PIN4: variants seen among roughly 807,000 people sequenced by gnomAD.
PIN4 encodes peptidylprolyl cis/trans isomerase, NIMA-interacting 4, also known as peptidyl-prolyl cis-trans isomerase NIMA-interacting 4.
In PIN4, 3 loss-of-function variants were observed where a neutral mutation model predicts 8.3. The observed-to-expected ratio is 0.36, with a 90% CI of 0.16 to 0.93. The LOEUF (loss-of-function observed/expected upper bound fraction) is 0.93. PIN4 is among the 40% of genes least tolerant of loss of function. The pLI is 0.44. For synonymous variants in PIN4, 18 were observed against 32.5 expected, an observed-to-expected ratio of 0.55 and a Z score of 1.52; for missense variants, 75 against 100.6, an observed-to-expected ratio of 0.75 and a Z score of 1.09.
chrX:72,232,177 A>C (rs932823906), intron 3 of PIN4, among the ~76,000 whole-genome samples: 13 of 109,210 alleles, frequency 1.2e-4, no homozygotes, highest in Non-Finnish European at 1.7e-4. Context: ...AAATAATGCC[A>C]AAGTAAAAGG....
At chrX:72,197,202 T>G (rs1175964180) in intron 3 of PIN4, 166 bp from the exon 4 acceptor site, 1 of 473,707 alleles carries the variant, frequency 2.1e-6, no homozygotes, top group African/African-American at 2.4e-5. Context: ...GTGTTCAGTC[T>G]AGTTAGACTT....
At position 72,210,901 on chromosome X, in the gene PIN4, C is replaced by T. The variant is rs758408748; in HGVS notation, c.312+13997C>T. ...CCTAGTTAGCAGGTCTGTCTAACAACTGCATCTCAGCTCTTCCTTTCCCCT... is the reference window on the plus strand; with the variant it reads ...CCTAGTTAGCAGGTCTGTCTAACAATTGCATCTCAGCTCTTCCTTTCCCCT... On this transcript the variant is annotated intron_variant, in intron 3 of 3. Transcript: ENST00000423432. Among the ~76,000 whole-genome samples, 8 of 112,094 alleles carry T rather than the reference C, an allele frequency of 7.1e-5. No homozygotes were observed. In the South Asian group the frequency reaches 2.9e-3, roughly 41 times the overall value.
intron 3 of PIN4, among the ~76,000 whole-genome samples, chrX:72,252,075 T>C (rs1025039853): frequency 3.6e-5 from 4 of 111,793 alleles, no homozygotes; most frequent in African/African-American, 1.3e-4. Flanking sequence ...ACATTCACCT[T>C]CTTGTTGTAC....
At chrX:72,253,512 G>A (rs757135341) in intron 3 of PIN4, among the ~76,000 whole-genome samples, 1 of 111,382 alleles carries the variant, frequency 9.0e-6, no homozygotes, top group Non-Finnish European at 1.9e-5. Context: ...TGTAGTCCCA[G>A]CTACTGGGAG....
At chrX:72,217,579 A>G (rs1413045379) in intron 3 of PIN4, among the ~76,000 whole-genome samples, 1 of 111,891 alleles carries the variant, frequency 8.9e-6, no homozygotes, top group Non-Finnish European at 1.9e-5. Flanking sequence ...TGTTTTATAC[A>G]TTTTATTTAT....
chrX:72,185,147 CAA>C (rs746215043), intron 1 of PIN4, among the ~76,000 whole-genome samples: 5 of 24,457 alleles, frequency 2.0e-4, no homozygotes, highest in African/African-American at 6.2e-4. Context: ...GACTCCGTCT[CAA>C]AAAAAAAAAA....
chrX:72,256,688 G>A (rs1317232698), intron 3 of PIN4, among the ~76,000 whole-genome samples: 1 of 111,923 alleles, frequency 8.9e-6, no homozygotes, highest in African/African-American at 3.2e-5. Context: ...CAAAACAGGA[G>A]AGCAGGAATA....
At chrX:72,210,915 T>C (rs1266035714) in intron 3 of PIN4, among the ~76,000 whole-genome samples, 2 of 112,025 alleles carry the variant, frequency 1.8e-5, no homozygotes, top group East Asian at 5.6e-4. Flanking sequence ...ATCTCAGCTC[T>C]TCCTTTCCCC....
At chrX:72,208,560 C>A in intron 3 of PIN4, 1 of 1,212,012 alleles carries the variant, frequency 8.3e-7, no homozygotes, top group South Asian at 1.8e-5. Context: ...GTTCTGCCAA[C>A]TCCTCCAAGG....
intron 3 of PIN4, among the ~76,000 whole-genome samples, chrX:72,239,459 C>T (rs2043038767): frequency 2.7e-5 from 3 of 111,994 alleles, no homozygotes; most frequent in African/African-American, 9.7e-5. Flanking sequence ...GAGGCATAGT[C>T]CCTGTGATTT....
chrX:72,201,765 A>G (rs1050264567), downstream of PIN4, among the ~76,000 whole-genome samples: 23 of 113,021 alleles, frequency 2.0e-4, no homozygotes, highest in Admixed American at 2.2e-3. Flanking sequence ...GTGACATAAC[A>G]TGTACTGCTA....
chrX:72,260,629 T>C (rs1297699817), intron 3 of PIN4, among the ~76,000 whole-genome samples: 1 of 112,142 alleles, frequency 8.9e-6, no homozygotes, highest in Non-Finnish European at 1.9e-5. Flanking sequence ...CCCACGTATG[T>C]ACCTCGCCCT....
intron 2 of PIN4, among the ~76,000 whole-genome samples, chrX:72,192,555 C>A (rs1194233995): frequency 9.0e-6 from 1 of 111,353 alleles, no homozygotes; most frequent in Non-Finnish European, 1.9e-5. Flanking sequence ...TCTCTCCTAC[C>A]TATATGGCCT....
intron 1 of PIN4, among the ~76,000 whole-genome samples, chrX:72,182,596 A>T (rs1280855514): frequency 1.8e-5 from 2 of 111,256 alleles, no homozygotes; most frequent in Non-Finnish European, 3.8e-5. Flanking sequence ...AGTGAGGAAG[A>T]TAAAGGCTTA....
At chrX:72,230,914 G>A (rs757953423) in intron 3 of PIN4, among the ~76,000 whole-genome samples, 8 of 112,188 alleles carry the variant, frequency 7.1e-5, no homozygotes, top group East Asian at 5.6e-4. Flanking sequence ...TCAGTGAGCC[G>A]AGATCGTGCC....
intron 3 of PIN4, chrX:72,204,912 C>A (rs2042806794): frequency 4.0e-6 from 3 of 757,681 alleles, no homozygotes; most frequent in Admixed American, 4.0e-5. Flanking sequence ...ATCTTTCTTG[C>A]CTTAAGCCTG....
In PIN4 at chrX:72,262,889, C is replaced by G. The variant is rs1602465184; in HGVS notation, c.*93C>G. ...AGGTGACATTTTCTGACTTTGTCCC[C>G]TTAAGCACAAACAAAAACTATGGAT... is the stretch of plus-strand genomic sequence containing the variant. On this transcript the variant is annotated 3_prime_UTR_variant, in exon 4 of 4. Coordinates refer to the PIN4 transcript ENST00000423432. The G allele has an allele frequency of 1.2e-5, 6 of 488,102 alleles. No homozygotes were observed. The East Asian group carries it at 2.4e-4, about 19-fold the overall frequency. The allele number at this position is 488,102 out of a possible 1,213,427, so 40.2% of individuals were successfully genotyped here. A position where few individuals can be genotyped will look rare whatever the true frequency, so the allele number is the denominator to read the frequency against.
Position 72,205,732 on chromosome X carries a change from T to A in PIN4, c.312+8828T>A, listed in dbSNP as rs748741011. The A allele has an allele frequency of 8.3e-7, 1 of 1,211,669 alleles. No individual in the cohort carries two copies. Among genetic ancestry groups the A allele is most frequent in the Non-Finnish European group, 1.1e-6 (1 of 895,239 alleles). ...TCTGATTTTTGCTTTAACTACTACT[T>A]CTTCTGGTTCATCGTCTTTCTCAGA... On this transcript the variant is annotated intron_variant, in intron 3 of 3. Coordinates refer to the PIN4 transcript ENST00000423432.
At chrX:72,206,164 A>G in intron 3 of PIN4, 1 of 1,211,817 alleles carries the variant, frequency 8.3e-7, no homozygotes, top group South Asian at 1.8e-5. Flanking sequence ...TTTGCTAAGT[A>G]CATAATTAAA....
Sources: gnomAD v4.1 joint callset for allele counts (sites outside exome capture counted in the v4.1 genomes callset) on GRCh38, gnomAD v4.1.1 for gene constraint, MANE v1.5 for transcripts, NCBI Gene and HGNC (gene_info 2026-07-23, HGNC 2026-07-21) for gene names.